The following RAB25 variants were observed in gnomAD, a reference collection of about 807,000 sequenced individuals.
The protein encoded by RAB25 is ras-related protein Rab-25.
RAB25 carries 23 observed loss-of-function variants against 25.2 expected under a neutral mutation model. That is an observed-to-expected ratio of 0.91 (90% CI 0.66 to 1.29). The LOEUF (loss-of-function observed/expected upper bound fraction) is 1.29, where lower values mean the gene tolerates loss of function less well. RAB25 is among the 50% of genes most tolerant of loss of function. The probability of loss-of-function intolerance (pLI) is 0.00; values close to 1 mark genes in which losing one functional copy is unlikely to be tolerated. For missense variants in RAB25, 244 were observed against 277.3 expected, an observed-to-expected ratio of 0.88 and a Z score of 0.85; for synonymous variants, 102 against 111.5, an observed-to-expected ratio of 0.91 and a Z score of 0.54.
chr1:156,066,961 C>T (rs1239889018), intron 2 of RAB25, among the ~76,000 whole-genome samples: 1 of 144,408 alleles, frequency 6.9e-6, no homozygotes, highest in African/African-American at 2.6e-5. Flanking sequence ...GTCAGCTGGG[C>T]GCGGTAGCTC....
chr1:156,069,884 G>A, intron 4 of RAB25, 133 bp downstream of exon 4: 2 of 891,566 alleles, frequency 2.2e-6, no homozygotes, highest in Non-Finnish European at 3.7e-6. Context: ...ACCACTGCCT[G>A]TCCCCCTCAG....
intron 3 of RAB25, 61 bp from the exon 4 acceptor site, chr1:156,069,610 A>T (rs748153290): frequency 2.4e-6 from 3 of 1,272,116 alleles, no homozygotes; most frequent in African/African-American, 1.5e-5. Flanking sequence ...GCAAACATTA[A>T]TATTATTATT....
rs1405499975 is a variant in RAB25 at position 156,061,245 on chromosome 1, C to A, written c.-156C>A. Reference sequence around the variant, plus strand: ...TAGGCCCTGCCTAACCTTGAGTTGGCCCCCAATCCCTCTGGCTGCAGAAGT... The same window carrying A: ...TAGGCCCTGCCTAACCTTGAGTTGGACCCCAATCCCTCTGGCTGCAGAAGT... On this transcript the variant is annotated 5_prime_UTR_variant, in exon 1 of 5. Transcript: ENST00000361084. 6.8e-6 allele frequency: 5 copies of A among 739,136 alleles called. No individual in the cohort carries two copies. Among genetic ancestry groups the A allele is most frequent in the African/African-American group, 1.8e-5 (1 of 57,024 alleles). The allele number at this position is 739,136 out of a possible 1,614,324, so 45.8% of individuals were successfully genotyped here.
At chr1:156,061,515 C>T (rs893951325) in intron 1 of RAB25, 72 bp downstream of exon 1, 2 of 1,499,780 alleles carry the variant, frequency 1.3e-6, no homozygotes, top group Non-Finnish European at 1.9e-6. Flanking sequence ...CCAGAGAGGG[C>T]CCCCTCCTGT....
chr1:156,061,319 T>G lies in RAB25; in HGVS notation c.-82T>G. ...GGGCAGGACCAGATCTTTTGAGAGC[T>G]GAGGGTTGAGGGCATTGAGCCAACA... On this transcript the variant is annotated 5_prime_UTR_variant, in exon 1 of 5. Coordinates refer to ENST00000361084, the MANE Select transcript of RAB25 (RefSeq NM_020387.4). 1 of 1,398,028 alleles carries G rather than the reference T, an allele frequency of 7.2e-7. No homozygotes were observed. The highest frequency in any genetic ancestry group is 1.0e-6 in the Non-Finnish European group (1 of 985,074). 86.6% of individuals were successfully genotyped at this position (1,398,028 alleles called of 1,614,324 possible). A position where few individuals can be genotyped will look rare whatever the true frequency, so the allele number is the denominator to read the frequency against.
chr1:156,069,103 T>C (rs1265327901), intron 3 of RAB25, among the ~76,000 whole-genome samples: 1 of 152,180 alleles, frequency 6.6e-6, no homozygotes, highest in African/African-American at 2.4e-5. Flanking sequence ...GTTAAGGGTG[T>C]TCTGGAGTCC....
At chr1:156,061,533 T>A in intron 1 of RAB25, 90 bp downstream of exon 1, 7 of 1,372,486 alleles carry the variant, frequency 5.1e-6, no homozygotes, top group Non-Finnish European at 7.3e-6. Flanking sequence ...TGTTTTTTTA[T>A]CTCTTACCAA....
chr1:156,061,273 C>T lies in RAB25; in HGVS notation c.-128C>T. ...CCAATCCCTCTGGCTGCAGAAGTCCCCTTACCCCCAATGAGAGGAGGGGCA... is the reference window on the plus strand; with the variant it reads ...CCAATCCCTCTGGCTGCAGAAGTCCTCTTACCCCCAATGAGAGGAGGGGCA... On this transcript the variant is annotated 5_prime_UTR_variant, in exon 1 of 5. Transcript: ENST00000361084. 1 of 969,544 alleles carries T rather than the reference C, an allele frequency of 1.0e-6. No individual in the cohort carries two copies. The highest frequency in any genetic ancestry group is 1.6e-6 in the Non-Finnish European group (1 of 615,272). The allele number at this position is 969,544 out of a possible 1,614,324, so 60.1% of individuals were successfully genotyped here. A position where few individuals can be genotyped will look rare whatever the true frequency, so the allele number is the denominator to read the frequency against.
At chr1:156,067,566 C>T (rs114911624) in intron 2 of RAB25, among the ~76,000 whole-genome samples, 2,049 of 152,208 alleles carry the variant, frequency 0.013, 20 homozygotes, top group Non-Finnish European at 0.021. Flanking sequence ...AAGAAGGCCA[C>T]GGGAGAGAAC....
In RAB25 at chr1:156,069,950, T is replaced by C. The variant is rs960844785; in HGVS notation, c.514+199T>C. ...AGCTCAGGGAGGGAACAGGCCACAC[T>C]CCCCATGGGGCTGACTCTTGGTTCC... is the stretch of plus-strand genomic sequence containing the variant. On this transcript the variant is annotated intron_variant, in intron 4 of 4. Transcript: ENST00000361084. 31 of 862,796 alleles carry C rather than the reference T, an allele frequency of 3.6e-5. No individual in the cohort carries two copies. In the African/African-American group the frequency reaches 5.1e-4, roughly 14 times the overall value. 53.4% of individuals were successfully genotyped at this position (862,796 alleles called of 1,614,324 possible). A position where few individuals can be genotyped will look rare whatever the true frequency, so the allele number is the denominator to read the frequency against.
At position 156,070,415 on chromosome 1, in the gene RAB25, C is replaced by A; in HGVS notation, c.*128C>A. The A allele has an allele frequency of 8.0e-7, 1 of 1,244,444 alleles. No homozygotes were observed. Among genetic ancestry groups the A allele is most frequent in the Non-Finnish European group, 1.1e-6 (1 of 901,960 alleles). The allele number at this position is 1,244,444 out of a possible 1,614,324, so 77.1% of individuals were successfully genotyped here. On this transcript the variant is annotated 3_prime_UTR_variant, in exon 5 of 5. Transcript: ENST00000361084. ...TCCCTGTTCACAGCACCCTCAGGGT[C>A]TTAAGGTCTTCATGCCCTATCACAA...
intron 1 of RAB25, among the ~76,000 whole-genome samples, chr1:156,064,805 C>T (rs191818738): frequency 7.2e-5 from 11 of 152,326 alleles, no homozygotes; most frequent in Non-Finnish European, 1.3e-4. Flanking sequence ...TTCAAGTTCA[C>T]ACAGTTAGTT....
intron 2 of RAB25, among the ~76,000 whole-genome samples, chr1:156,067,100 G>A (rs1647766725): frequency 6.6e-6 from 1 of 151,990 alleles, no homozygotes; most frequent in Admixed American, 6.6e-5. Context: ...AGGCATGGTG[G>A]TGGGTGCCTG....
chr1:156,068,545 C>G lies in RAB25; in HGVS notation c.433+82C>G, dbSNP rs1348086312. ...GCAGTCTCCCAGCCCCTGCCCCCAC[C>G]CATAGAGCCCCTAGCCTGGCCTTCC... On this transcript the variant is annotated intron_variant, in intron 3 of 4. Coordinates refer to ENST00000361084, the MANE Select transcript of RAB25 (RefSeq NM_020387.4). The G allele has an allele frequency of 8.6e-6, 12 of 1,392,652 alleles. No homozygotes were observed. In the East Asian group the frequency reaches 2.8e-4, roughly 32 times the overall value. 86.3% of individuals were successfully genotyped at this position (1,392,652 alleles called of 1,614,324 possible).
At position 156,068,108 on chromosome 1, in the gene RAB25, C is replaced by A. The variant is rs193050121; in HGVS notation, c.240-162C>A. On this transcript the variant is annotated intron_variant, in intron 2 of 4. Transcript: ENST00000361084. The stretch of plus-strand genomic sequence containing the variant: ...CTAGTGTCCCTGGAAGGCAGAGGAG[C>A]CTTGGGCTGCTCTGTTGGGTTCTGG... 963 of 626,184 alleles carry A rather than the reference C, an allele frequency of 1.5e-3. 8 individuals carry two copies. The highest frequency in any genetic ancestry group is 0.015 in the African/African-American group (816 of 55,078). The allele number at this position is 626,184 out of a possible 1,614,324, so 38.8% of individuals were successfully genotyped here. A position where few individuals can be genotyped will look rare whatever the true frequency, so the allele number is the denominator to read the frequency against.
chr1:156,070,456 G>A lies in RAB25; in HGVS notation c.*169G>A, dbSNP rs1647874218. 3.5e-6 allele frequency: 3 copies of A among 851,754 alleles called. No homozygotes were observed. The highest frequency in any genetic ancestry group is 3.4e-5 in the African/African-American group (2 of 58,276). 52.8% of individuals were successfully genotyped at this position (851,754 alleles called of 1,614,324 possible). ...CCTATCACAAATACCTCTTTTATCT[G>A]TCCACCCCTCACAGACTAGGACCCT... On this transcript the variant is annotated 3_prime_UTR_variant, in exon 5 of 5. Coordinates refer to ENST00000361084, the MANE Select transcript of RAB25 (RefSeq NM_020387.4).
In RAB25 at chr1:156,070,187, G is replaced by T. The variant is rs1482163529; in HGVS notation, c.542G>T (p.Arg181Ile). ...ATCTTTGCGAAGGTGTCCAAGCAGA[G>T]ACAGAACAGCATCCGGACCAATGCC... ...KEIFAKVSKQRQNSIRTNAIT... is the reference protein window; with the variant it reads ...KEIFAKVSKQIQNSIRTNAIT... Residue 181 changes from arginine (R) to isoleucine (I), a missense_variant, in exon 5 of 5, where the codon AGA becomes ATA. Arg to Ile is a moderately conservative substitution (Grantham distance 97). Coordinates refer to ENST00000361084, the MANE Select transcript of RAB25 (RefSeq NM_020387.4). 3 of 1,613,942 alleles carry T rather than the reference G, an allele frequency of 1.9e-6. No individual in the cohort carries two copies. Among genetic ancestry groups the T allele is most frequent in the Non-Finnish European group, 2.5e-6 (3 of 1,179,984 alleles).
At chr1:156,062,820 G>A (rs1233966063) in intron 1 of RAB25, among the ~76,000 whole-genome samples, 1 of 151,968 alleles carries the variant, frequency 6.6e-6, no homozygotes, top group African/African-American at 2.4e-5. Context: ...TTGGGAGGCC[G>A]AGGCGGCGGG....
chr1:156,066,485 G>A (rs1647748019), intron 2 of RAB25, among the ~76,000 whole-genome samples: 1 of 152,292 alleles, frequency 6.6e-6, no homozygotes, highest in Admixed American at 6.5e-5. Flanking sequence ...TAGGATGGGG[G>A]CGAGCTGCAC....
Sources: gnomAD v4.1 joint callset for allele counts (sites outside exome capture counted in the v4.1 genomes callset) on GRCh38, gnomAD v4.1.1 for gene constraint, MANE v1.5 for transcripts, NCBI Gene and HGNC (gene_info 2026-07-23, HGNC 2026-07-21) for gene names.